The following SAXO1 variants were observed in gnomAD, a reference collection of about 807,000 sequenced individuals.
The protein encoded by SAXO1 is 4930500O09Rik.
In SAXO1, 21 loss-of-function variants were observed where a neutral mutation model predicts 17.5. The ratio of observed to expected loss-of-function variants is 1.20; its 90% confidence interval spans 0.85 to 1.72. The LOEUF (loss-of-function observed/expected upper bound fraction) is 1.72. Ranked by LOEUF, SAXO1 falls within the 40% of genes most tolerant of loss-of-function variation. The pLI is 0.00. For synonymous variants in SAXO1, 274 were observed against 216.5 expected (o/e 1.27, Z -2.33); for missense variants, 843 against 596.0 (o/e 1.41, Z -4.32).
chr9:18,934,667 G>C (rs1322725776), intron 3 of SAXO1, among the ~76,000 whole-genome samples: 3 of 152,240 alleles, frequency 2.0e-5, no homozygotes, highest in African/African-American at 7.2e-5. Context: ...GGCTCCTGCA[G>C]AGATACTTTC....
chr9:18,971,810 C>G (rs912221440), intron 1 of SAXO1, among the ~76,000 whole-genome samples: 10 of 152,094 alleles, frequency 6.6e-5, no homozygotes, highest in African/African-American at 2.4e-4. Context: ...TGTACTTTTT[C>G]AATATATTCT....
At chr9:18,971,308 T>C (rs890658391) in intron 1 of SAXO1, among the ~76,000 whole-genome samples, 2 of 152,116 alleles carry the variant, frequency 1.3e-5, no homozygotes, top group African/African-American at 4.8e-5. Flanking sequence ...CTTGCCTCAA[T>C]TCTCCAAACT....
intron 2 of SAXO1, among the ~76,000 whole-genome samples, chr9:18,944,429 C>T (rs147354065): frequency 2.0e-4 from 30 of 152,238 alleles, no homozygotes; most frequent in African/African-American, 5.8e-4. Flanking sequence ...TTTAAATTCA[C>T]GTAAAAGAAA....
intron 1 of SAXO1, among the ~76,000 whole-genome samples, chr9:18,970,689 C>T (rs573176883): frequency 4.5e-4 from 69 of 152,254 alleles, no homozygotes; most frequent in Non-Finnish European, 8.2e-4. Context: ...GGACTAGATT[C>T]CTGGAACAGT....
In SAXO1 at chr9:18,973,928, TA is replaced by T. The variant is rs139143159; in HGVS notation, c.39-22992del. 1.1e-3 allele frequency among the ~76,000 whole-genome samples: 164 copies of T among 152,320 alleles called. 1 individual carries two copies. In the East Asian group the frequency reaches 0.016, roughly 15 times the overall value. On this transcript the variant is annotated intron_variant, in intron 1 of 3. Coordinates refer to ENST00000380534, the MANE Select transcript of SAXO1 (RefSeq NM_153707.4). ...GTTATATGTCATGTACTATGTTGGG[TA>T]ATAATTAGAAAGAAAAATAATGTAC... is the stretch of plus-strand genomic sequence containing the variant.
Position 18,941,718 on chromosome 9 carries a change from CAGGGT to C in SAXO1, c.335_339del (p.Tyr112CysfsTer13). ...GGTTTGATGGGGTCCACTCGACAGA[CAGGGT>C]AGGGATTGTAATCTTTCTTATACGT... On this transcript the variant is annotated frameshift_variant, in exon 3 of 4. Transcript: ENST00000380534. LOFTEE classifies it high-confidence loss of function. The C allele has an allele frequency of 6.2e-7, 1 of 1,614,174 alleles. No individual in the cohort carries two copies. Among genetic ancestry groups the C allele is most frequent in the Non-Finnish European group, 8.5e-7 (1 of 1,180,026 alleles).
At chr9:18,946,490 G>C (rs1176788789) in intron 2 of SAXO1, among the ~76,000 whole-genome samples, 9 of 151,958 alleles carry the variant, frequency 5.9e-5, no homozygotes, top group African/African-American at 1.9e-4. Context: ...GGCCACCCAA[G>C]ACACAGAGTT....
At chr9:18,946,574 C>T (rs1327353313) in intron 2 of SAXO1, among the ~76,000 whole-genome samples, 2 of 151,866 alleles carry the variant, frequency 1.3e-5, no homozygotes, top group Non-Finnish European at 2.9e-5. Flanking sequence ...AAACAAACAT[C>T]TAAGGTGTCC....
At chr9:19,013,918 G>C (rs62560435) in intron 1 of SAXO1, among the ~76,000 whole-genome samples, 5,218 of 152,248 alleles carry the variant, frequency 0.034, 119 homozygotes, top group Middle Eastern at 0.068. Flanking sequence ...ATATTTAGCA[G>C]GCACCCAGTT....
intron 1 of SAXO1, among the ~76,000 whole-genome samples, chr9:19,019,126 A>G (rs1462496463): frequency 6.6e-6 from 1 of 152,142 alleles, no homozygotes; most frequent in South Asian, 2.1e-4. Flanking sequence ...AAAGAAAAAA[A>G]AAAGAACCCT....
intron 1 of SAXO1, among the ~76,000 whole-genome samples, chr9:18,964,713 GATTC>G (rs1357134438): frequency 7.9e-5 from 12 of 152,158 alleles, no homozygotes; most frequent in African/African-American, 2.7e-4. Flanking sequence ...CTAGTTCCTG[GATTC>G]ATTGATTTTT....
At chr9:18,993,872 G>C (rs955545480) in intron 1 of SAXO1, among the ~76,000 whole-genome samples, 1 of 152,086 alleles carries the variant, frequency 6.6e-6, no homozygotes, top group African/African-American at 2.4e-5. Context: ...CCAGGGAGGG[G>C]GATAAGTCCA....
chr9:19,030,958 G>A (rs1835739078), intron 1 of SAXO1, among the ~76,000 whole-genome samples: 1 of 152,202 alleles, frequency 6.6e-6, no homozygotes, highest in South Asian at 2.1e-4. Context: ...CCATAAAATG[G>A]AGGAGAAAAT....
At chr9:19,002,099 C>G (rs187260167) in intron 1 of SAXO1, among the ~76,000 whole-genome samples, 12 of 152,264 alleles carry the variant, frequency 7.9e-5, no homozygotes, top group Admixed American at 5.2e-4. Flanking sequence ...AAACTACCAT[C>G]AGAGAATACT....
intron 1 of SAXO1, among the ~76,000 whole-genome samples, chr9:18,959,773 GAA>G (rs11304810): frequency 1.6e-4 from 21 of 134,702 alleles, no homozygotes; most frequent in African/African-American, 4.2e-4. Flanking sequence ...CTCTGTCTAA[GAA>G]AAAAAAAAAA....
chr9:19,027,773 C>T, intron 1 of SAXO1: 1 of 1,507,010 alleles, frequency 6.6e-7, no homozygotes, highest in Non-Finnish European at 9.1e-7. Context: ...GCTGGAGCTT[C>T]TGAACCAGCT....
intron 1 of SAXO1, among the ~76,000 whole-genome samples, chr9:18,965,150 T>A (rs1832662013): frequency 6.6e-6 from 1 of 152,194 alleles, no homozygotes; most frequent in African/African-American, 2.4e-5. Context: ...TTCTTTTGCA[T>A]TTGCTGAGAA....
chr9:18,939,441 A>AAGT (rs1231690372), intron 3 of SAXO1, among the ~76,000 whole-genome samples: 1 of 152,218 alleles, frequency 6.6e-6, no homozygotes, highest in East Asian at 1.9e-4. Context: ...GAAGCATTAA[A>AAGT]AGTACACAAT....
intron 3 of SAXO1, among the ~76,000 whole-genome samples, chr9:18,938,148 G>A (rs545509350): frequency 7.2e-5 from 11 of 152,258 alleles, no homozygotes; most frequent in African/African-American, 2.4e-4. Flanking sequence ...TGTTTAAGTA[G>A]GCAAGCAGTT....
Sources: allele counts gnomAD v4.1 joint callset (sites outside exome capture counted in the v4.1 genomes callset), GRCh38; gene constraint gnomAD v4.1.1; transcripts MANE v1.5; gene names NCBI Gene and HGNC (gene_info 2026-07-23, HGNC 2026-07-21).